The following MINPP1 variants were observed in gnomAD, a reference collection of about 807,000 sequenced individuals.
MINPP1 encodes the protein multiple inositol-polyphosphate phosphatase 1.
MINPP1 carries 28 observed loss-of-function variants against 46.1 expected under a neutral mutation model. The observed-to-expected ratio is 0.61, with a 90% CI of 0.45 to 0.83. The LOEUF is 0.83. Among genes scored for constraint, MINPP1 ranks in the 40% least tolerant of loss-of-function variants. MINPP1 has a pLI of 0.00. For missense variants in MINPP1, 603 were observed against 610.0 expected, an observed-to-expected ratio of 0.99 and a Z score of 0.12; for synonymous variants, 268 against 249.1, an observed-to-expected ratio of 1.08 and a Z score of -0.72.
intron 4 of MINPP1, among the ~76,000 whole-genome samples, chr10:87,533,226 T>C (rs371456157): frequency 1.4e-4 from 22 of 152,252 alleles, no homozygotes; most frequent in Admixed American, 1.0e-3. Context: ...AATTTTTTTT[T>C]CAACATAATT....
At chr10:87,549,111 G>A (rs1473853877) in intron 4 of MINPP1, among the ~76,000 whole-genome samples, 3 of 152,068 alleles carry the variant, frequency 2.0e-5, no homozygotes, top group African/African-American at 7.2e-5. Flanking sequence ...TTCTTCTGAA[G>A]AATTCACTGA....
At chr10:87,542,575 C>A (rs900265417) in intron 4 of MINPP1, among the ~76,000 whole-genome samples, 1 of 152,188 alleles carries the variant, frequency 6.6e-6, no homozygotes, top group African/African-American at 2.4e-5. Flanking sequence ...GCTAGGATTA[C>A]AGGTGTGACC....
intron 4 of MINPP1, among the ~76,000 whole-genome samples, chr10:87,547,871 G>C (rs1350323653): frequency 3.9e-5 from 6 of 152,090 alleles, no homozygotes; most frequent in Non-Finnish European, 7.4e-5. Context: ...CACTACCATA[G>C]AGCCATCGAT....
Position 87,508,336 on chromosome 10 carries a change from A to C in MINPP1, c.638A>C (p.Asp213Ala). The stretch of plus-strand genomic sequence containing the variant: ...ACATATAAATTTTTTTCTCTTTCAG[A>C]TATGGAGTTTGGACCTCCAACAGTT... ...HPGLPPPDVA[D>A]MEFGPPTVND... Residue 213 changes from aspartate to alanine, a missense_variant and splice_region_variant, in exon 2 of 5, where the codon GAT becomes GCT. This residue lies in a region of MINPP1 where 344 missense variants were observed against 381.1 expected (regional missense o/e 0.90). Transcript: ENST00000371996. The C allele has an allele frequency of 6.2e-7, 1 of 1,613,000 alleles. No homozygotes were observed. The highest frequency in any genetic ancestry group is 1.1e-5 in the South Asian group (1 of 90,770).
At chr10:87,528,478 T>C (rs1007278607) in intron 4 of MINPP1, among the ~76,000 whole-genome samples, 2 of 152,376 alleles carry the variant, frequency 1.3e-5, no homozygotes, top group African/African-American at 4.8e-5. Context: ...CCAGTAGTCA[T>C]TCAGGAGCAG....
chr10:87,524,073 C>T (rs1851540457), intron 4 of MINPP1, among the ~76,000 whole-genome samples: 1 of 152,180 alleles, frequency 6.6e-6, no homozygotes, highest in Non-Finnish European at 1.5e-5. Context: ...AGAGAGTCAT[C>T]CTATCCTTTG....
chr10:87,508,598 AAACAT>A lies in MINPP1; in HGVS notation c.835+68_835+72del, dbSNP rs537372139. 9.9e-6 allele frequency: 14 copies of A among 1,420,474 alleles called. No individual in the cohort carries two copies. In the African/African-American group the frequency reaches 1.8e-4, roughly 19 times the overall value. 88.0% of individuals were successfully genotyped at this position (1,420,474 alleles called of 1,614,324 possible). ...AAATAATTTTGAACTGTGAAAATGA[AAACAT>A]AAGGAAACAGTCTTTTTTAAAGACC... On this transcript the variant is annotated intron_variant, in intron 2 of 4. Transcript: ENST00000371996.
chr10:87,535,665 G>GT (rs1851724160), intron 4 of MINPP1, among the ~76,000 whole-genome samples: 1 of 151,822 alleles, frequency 6.6e-6, no homozygotes, highest in Admixed American at 6.6e-5. Context: ...TGGTGGCTCA[G>GT]ACCTGTAATC....
chr10:87,522,979 T>C (rs1407629334), intron 4 of MINPP1, among the ~76,000 whole-genome samples: 1 of 152,212 alleles, frequency 6.6e-6, no homozygotes, highest in Non-Finnish European at 1.5e-5. Flanking sequence ...GTAGATTTCA[T>C]CTCAAGAAAC....
chr10:87,520,402 A>T (rs933054690), intron 3 of MINPP1, among the ~76,000 whole-genome samples: 1 of 152,060 alleles, frequency 6.6e-6, no homozygotes, highest in African/African-American at 2.4e-5. Context: ...GTGTGTTTTC[A>T]TGGATTTTGC....
intron 4 of MINPP1, among the ~76,000 whole-genome samples, chr10:87,543,988 T>C (rs1042690807): frequency 3.9e-5 from 6 of 152,218 alleles, no homozygotes; most frequent in African/African-American, 1.4e-4. Context: ...TCCCCACCAA[T>C]AAGCAGCAGA....
At chr10:87,515,038 A>G (rs1021042172) in intron 3 of MINPP1, among the ~76,000 whole-genome samples, 5 of 152,004 alleles carry the variant, frequency 3.3e-5, no homozygotes, top group Admixed American at 2.0e-4. Context: ...TCATTAGATT[A>G]CAATGGTGCC....
chr10:87,546,437 A>T (rs1037084251), intron 4 of MINPP1: 1 of 152,242 alleles, frequency 6.6e-6, no homozygotes, highest in East Asian at 1.9e-4. Context: ...TGGCTTCTTT[A>T]CCACATCCTG....
chr10:87,528,454 A>C (rs1220457865), intron 4 of MINPP1, among the ~76,000 whole-genome samples: 1 of 152,050 alleles, frequency 6.6e-6, no homozygotes, highest in African/African-American at 2.4e-5. Flanking sequence ...TTCTGCCTTC[A>C]TTTCGTTATG....
rs1055283486 is a variant in MINPP1 at position 87,544,497 on chromosome 10, G to A, written c.1068-7585G>A. 2.6e-5 allele frequency among the ~76,000 whole-genome samples: 4 copies of A among 152,288 alleles called. No individual in the cohort carries two copies. The Middle Eastern group carries it at 0.01, about 388-fold the overall frequency. ...GCTCTTCCCTGAGGTTGAGGGATGG[G>A]CTTGAAAATGCTAACCCTGTAATCA... On this transcript the variant is annotated intron_variant, in intron 4 of 4. Transcript: ENST00000371996.
intron 4 of MINPP1, among the ~76,000 whole-genome samples, chr10:87,548,890 C>T (rs1325565242): frequency 1.3e-5 from 2 of 152,034 alleles, no homozygotes; most frequent in African/African-American, 2.4e-5. Context: ...TCAATACTTA[C>T]GGACTTTATA....
At chr10:87,531,329 C>A (rs896920864) in intron 4 of MINPP1, among the ~76,000 whole-genome samples, 9 of 152,338 alleles carry the variant, frequency 5.9e-5, no homozygotes, top group Non-Finnish European at 1.0e-4. Flanking sequence ...TCCTCCTCAT[C>A]ATCTTGCTTA....
Position 87,505,281 on chromosome 10 carries a change from C to A in MINPP1, c.366C>A (p.Thr122=), listed in dbSNP as rs555432078. The change falls in exon 1 of 5, where the codon ACC becomes ACA. Residue 122 remains threonine (T), a synonymous_variant. Transcript: ENST00000371996. The surrounding 1 kb of genome is among the most constrained non-coding windows in gnomAD (Gnocchi z 4.4). ...CCAGGGATGGCGGGGCTAGTAGTAC[C>A]GGCAGCCGCGACCTGGGTGCAGCGC... is the stretch of plus-strand genomic sequence containing the variant. The part of the protein sequence containing the change: ...RGSRDGGASS[T]GSRDLGAALA... The A allele has an allele frequency of 2.2e-5, 36 of 1,610,628 alleles. 1 individual carries two copies. The highest frequency in any genetic ancestry group is 3.3e-4 in the Middle Eastern group (2 of 6,048).
chr10:87,519,387 C>T (rs1468861466), intron 3 of MINPP1, among the ~76,000 whole-genome samples: 2 of 152,194 alleles, frequency 1.3e-5, no homozygotes, highest in Non-Finnish European at 2.9e-5. Context: ...ATGGCTTCAC[C>T]CTTTCATGCA....
Sources: gnomAD v4.1 joint callset for allele counts (sites outside exome capture counted in the v4.1 genomes callset) on GRCh38, gnomAD v4.1.1 for gene constraint, gnomAD v4.1.1 regional missense constraint, Gnocchi (gnomAD v3.1) non-coding constraint, MANE v1.5 for transcripts, NCBI Gene and HGNC (gene_info 2026-07-23, HGNC 2026-07-21) for gene names.